The following CTNNA2 variants were observed in gnomAD, a reference collection of about 807,000 sequenced individuals.
CTNNA2 encodes the protein catenin alpha 2.
CTNNA2 carries 42 observed loss-of-function variants against 101.0 expected under a neutral mutation model. That is an observed-to-expected ratio of 0.42 (90% CI 0.32 to 0.54). CTNNA2 has a LOEUF of 0.54. Ranked by LOEUF, CTNNA2 falls within the 20% of genes least tolerant of loss-of-function variation. CTNNA2 has a pLI of 0.14. For synonymous variants in CTNNA2, 450 were observed against 456.4 expected (o/e 0.99, Z 0.18); for missense variants, 871 against 1,223.1 (o/e 0.71, Z 4.29).
chr2:80,005,676 A>T (rs201279434), intron 7 of CTNNA2, among the ~76,000 whole-genome samples: 2 of 146,208 alleles, frequency 1.4e-5, no homozygotes, highest in African/African-American at 4.9e-5. Context: ...TAGATTTTTT[A>T]ATTATATTAA....
intron 2 of CTNNA2, among the ~76,000 whole-genome samples, chr2:79,266,301 A>G (rs1273969122): frequency 5.9e-5 from 9 of 152,160 alleles, no homozygotes; most frequent in African/African-American, 1.9e-4. Flanking sequence ...TGGGATCTGA[A>G]GAACAAATTC....
At position 80,137,605 on chromosome 2, in the gene CTNNA2, G is replaced by A. The variant is rs147944370; in HGVS notation, c.1056+227808G>A. On this transcript the variant is annotated intron_variant, in intron 7 of 18. Coordinates refer to ENST00000402739, the MANE Select transcript of CTNNA2 (RefSeq NM_001282597.3). ...TAATGAAAGGCTAGTTAAGTGGAAA[G>A]CACTGGAAAGGTGCTCTCAGGCAAT... is the stretch of plus-strand genomic sequence containing the variant. Among the ~76,000 whole-genome samples, 1,047 of 152,238 alleles carry A rather than the reference G, an allele frequency of 6.9e-3. 12 individuals are homozygous for A. The highest frequency in any genetic ancestry group is 0.021 in the African/African-American group (866 of 41,558).
At chr2:80,134,993 T>C (rs572212993) in intron 7 of CTNNA2, among the ~76,000 whole-genome samples, 2 of 152,302 alleles carry the variant, frequency 1.3e-5, no homozygotes, top group African/African-American at 4.8e-5. Context: ...TTTAGATAGA[T>C]GCCAGGTGCA....
intron 14 of CTNNA2, among the ~76,000 whole-genome samples, chr2:80,587,141 T>A (rs964023010): frequency 6.6e-6 from 1 of 152,292 alleles, no homozygotes; most frequent in Middle Eastern, 3.4e-3. Context: ...TTGTGTGATA[T>A]TAGGAATTCT....
chr2:79,563,858 C>T (rs1425697666), intron 1 of CTNNA2, among the ~76,000 whole-genome samples: 1 of 152,132 alleles, frequency 6.6e-6, no homozygotes, highest in African/African-American at 2.4e-5. Flanking sequence ...GTCATTATAA[C>T]AAATGCCATT....
At chr2:79,648,251 C>A (rs977780769) in intron 1 of CTNNA2, among the ~76,000 whole-genome samples, 3 of 152,138 alleles carry the variant, frequency 2.0e-5, no homozygotes, top group African/African-American at 7.2e-5. Context: ...ATCATCAATT[C>A]ATATTTTCTG....
At chr2:80,456,529 A>T (rs1683994262) in intron 9 of CTNNA2, among the ~76,000 whole-genome samples, 1 of 152,186 alleles carries the variant, frequency 6.6e-6, no homozygotes, top group African/African-American at 2.4e-5. Context: ...AGCTTGTATG[A>T]GTTCTCAAAG....
intron 11 of CTNNA2, among the ~76,000 whole-genome samples, chr2:80,552,758 A>G (rs1439371390): frequency 6.6e-6 from 1 of 152,218 alleles, no homozygotes; most frequent in Admixed American, 6.5e-5. Flanking sequence ...CAATTGGAAT[A>G]CAATAGTAAG....
rs143259857 is a variant in CTNNA2, at chr2:80,190,597, G to T, written c.1057-202614G>T. The stretch of plus-strand genomic sequence containing the variant: ...TCTGTAGCTCAAAACACACATTGAG[G>T]TGCATCTGCCATACAGGGTTATTCT... On this transcript the variant is annotated intron_variant, in intron 7 of 18. Coordinates refer to ENST00000402739, the MANE Select transcript of CTNNA2 (RefSeq NM_001282597.3). Among the ~76,000 whole-genome samples, 149 of 152,202 alleles carry T rather than the reference G, an allele frequency of 9.8e-4. 2 individuals are homozygous for T. The East Asian group carries it at 0.024, about 24-fold the overall frequency.
intron 2 of CTNNA2, among the ~76,000 whole-genome samples, chr2:79,251,577 C>G (rs567437136): frequency 2.0e-5 from 3 of 152,092 alleles, no homozygotes; most frequent in African/African-American, 7.2e-5. Context: ...TTTGCTTTCT[C>G]TCTCATTTGG....
At chr2:80,491,587 A>G (rs926175199) in intron 9 of CTNNA2, among the ~76,000 whole-genome samples, 1 of 152,234 alleles carries the variant, frequency 6.6e-6, no homozygotes, top group South Asian at 2.1e-4. Context: ...GGTTGGAGGA[A>G]GACAAAGGAG....
At chr2:79,511,390 CTT>C (rs1441030678), upstream of CTNNA2, among the ~76,000 whole-genome samples, 1 of 152,186 alleles carries the variant, frequency 6.6e-6, no homozygotes, top group Non-Finnish European at 1.5e-5. Flanking sequence ...ATTCTCCACT[CTT>C]TATACCTTTT....
At chr2:80,396,095 T>C (rs1340123534) in intron 8 of CTNNA2, among the ~76,000 whole-genome samples, 1 of 152,152 alleles carries the variant, frequency 6.6e-6, no homozygotes, top group Non-Finnish European at 1.5e-5. Flanking sequence ...ATTAGACTTG[T>C]AGATACTCAA....
intron 15 of CTNNA2, among the ~76,000 whole-genome samples, chr2:80,594,696 G>A (rs2149749821): frequency 6.6e-6 from 1 of 152,042 alleles, no homozygotes; most frequent in South Asian, 2.1e-4. Flanking sequence ...ATAACATGAG[G>A]ACTGCTGCTG....
chr2:80,444,967 G>C (rs1163215899), intron 9 of CTNNA2, among the ~76,000 whole-genome samples: 1 of 152,018 alleles, frequency 6.6e-6, no homozygotes, highest in Non-Finnish European at 1.5e-5. Context: ...ACCCAGTTAT[G>C]ACAACCAAAA....
chr2:79,778,294 G>A (rs971205642), intron 3 of CTNNA2, among the ~76,000 whole-genome samples: 3 of 151,482 alleles, frequency 2.0e-5, no homozygotes, highest in Admixed American at 6.6e-5. Context: ...TCGGTGAGCC[G>A]AGATCGCATC....
At chr2:79,711,050 G>T (rs1685705493) in intron 2 of CTNNA2, among the ~76,000 whole-genome samples, 2 of 152,054 alleles carry the variant, frequency 1.3e-5, no homozygotes, top group Admixed American at 6.6e-5. Context: ...TGTTTTAAAG[G>T]CTAGATATTG....
intron 2 of CTNNA2, among the ~76,000 whole-genome samples, chr2:79,699,406 A>T (rs1196333794): frequency 6.6e-6 from 1 of 151,976 alleles, no homozygotes; most frequent in African/African-American, 2.4e-5. Flanking sequence ...AGATAAGTGG[A>T]TATGTTGGTT....
intron 9 of CTNNA2, among the ~76,000 whole-genome samples, chr2:80,534,120 A>G (rs1019556391): frequency 2.6e-5 from 4 of 152,154 alleles, no homozygotes; most frequent in African/African-American, 9.7e-5. Context: ...GAGGCATGCA[A>G]ACAGCATTTG....
Sources: gnomAD v4.1 joint callset for allele counts (sites outside exome capture counted in the v4.1 genomes callset) on GRCh38, gnomAD v4.1.1 for gene constraint, MANE v1.5 for transcripts, NCBI Gene and HGNC (gene_info 2026-07-23, HGNC 2026-07-21) for gene names.